The following DDX50 variants were observed in gnomAD, a reference collection of about 807,000 sequenced individuals.
DDX50 encodes the protein DExD-box helicase 50, also known as ATP-dependent RNA helicase DDX50.
In DDX50, 56 loss-of-function variants were observed where a neutral mutation model predicts 94.8. The observed-to-expected ratio is 0.59, with a 90% CI of 0.48 to 0.74. The LOEUF (loss-of-function observed/expected upper bound fraction) is 0.74, where lower values mean the gene tolerates loss of function less well. DDX50 is among the 30% of genes least tolerant of loss of function. The probability of loss-of-function intolerance (pLI) is 0.00; values close to 1 mark genes in which losing one functional copy is unlikely to be tolerated. For synonymous variants in DDX50, 264 were observed against 295.4 expected, an observed-to-expected ratio of 0.89 and a Z score of 1.09; for missense variants, 713 against 881.2, an observed-to-expected ratio of 0.81 and a Z score of 2.42.
chr10:68,935,114 G>C (rs2132055798), intron 10 of DDX50, among the ~76,000 whole-genome samples, 196 bp downstream of exon 10: 1 of 152,300 alleles, frequency 6.6e-6, no homozygotes, highest in East Asian at 1.9e-4. Flanking sequence ...AGACAGTGGA[G>C]CTGACTTTCT....
intron 7 of DDX50, among the ~76,000 whole-genome samples, chr10:68,916,080 G>T (rs1489779124): frequency 1.3e-5 from 2 of 152,188 alleles, no homozygotes; most frequent in African/African-American, 4.8e-5. Context: ...TGTGGGCCGG[G>T]CGTGGTAGCT....
At chr10:68,944,046 A>G (rs189618124) in intron 14 of DDX50, among the ~76,000 whole-genome samples, 14 of 152,324 alleles carry the variant, frequency 9.2e-5, no homozygotes, top group Non-Finnish European at 1.9e-4. Context: ...TTTGAAATAA[A>G]TTCTAGGTAT....
At chr10:68,919,220 T>C (rs909403747) in intron 7 of DDX50, among the ~76,000 whole-genome samples, 6 of 152,230 alleles carry the variant, frequency 3.9e-5, no homozygotes, top group Non-Finnish European at 5.9e-5. Context: ...AATCATACAA[T>C]ATGTGACTTT....
At chr10:68,923,402 T>C (rs11819106) in intron 8 of DDX50, among the ~76,000 whole-genome samples, 9,791 of 150,670 alleles carry the variant, frequency 0.065, 1,035 homozygotes, top group African/African-American at 0.22. Flanking sequence ...GAGATGGGAT[T>C]TCTCTAAGTT....
At chr10:68,904,188 G>A (rs972464920) in intron 1 of DDX50, among the ~76,000 whole-genome samples, 21 of 151,814 alleles carry the variant, frequency 1.4e-4, no homozygotes, top group Non-Finnish European at 1.5e-5. Flanking sequence ...GCTCGTGCCT[G>A]TAGACTTAGC....
intron 2 of DDX50, 37 bp from the exon 3 acceptor site, chr10:68,910,270 G>A: frequency 6.7e-7 from 1 of 1,482,436 alleles, no homozygotes; most frequent in Middle Eastern, 1.7e-4. Flanking sequence ...GAAGAGTTGA[G>A]TATAAATTAT....
chr10:68,920,001 T>C lies in DDX50; in HGVS notation c.1239+20T>C, dbSNP rs924204371. On this transcript the variant is annotated intron_variant, in intron 8 of 14. Coordinates refer to ENST00000373585, the MANE Select transcript of DDX50 (RefSeq NM_024045.2). ...AAACAGGTAAGTCTTTTTTTCATGC[T>C]TTCTCTAATTGAAATTATGGGGATG... 1 of 1,612,890 alleles carries C rather than the reference T, an allele frequency of 6.2e-7. No individual in the cohort carries two copies. The highest frequency in any genetic ancestry group is 1.7e-5 in the Admixed American group (1 of 59,548).
At chr10:68,902,878 C>T (rs1166922031) in intron 1 of DDX50, among the ~76,000 whole-genome samples, 1 of 152,146 alleles carries the variant, frequency 6.6e-6, no homozygotes, top group Admixed American at 6.5e-5. Flanking sequence ...TTATGCATGT[C>T]TATATAAAAT....
rs974255208 is a variant in DDX50, at chr10:68,905,837, C to T, written c.88-874C>T. On this transcript the variant is annotated intron_variant, in intron 1 of 14. Coordinates refer to ENST00000373585, the MANE Select transcript of DDX50 (RefSeq NM_024045.2). ...CTGAGGCAGGAGAATCACTTGAACC[C>T]GGGAGGCGGAGGCTGTAGTGAGCCA... Among the ~76,000 whole-genome samples, 5 of 152,134 alleles carry T rather than the reference C, an allele frequency of 3.3e-5. No homozygotes were observed. In the South Asian group the frequency reaches 8.3e-4, roughly 25 times the overall value.
intron 1 of DDX50, among the ~76,000 whole-genome samples, chr10:68,902,698 G>T (rs1363729571): frequency 6.6e-6 from 1 of 151,962 alleles, no homozygotes; most frequent in Non-Finnish European, 1.5e-5. Context: ...GTTACCTAGA[G>T]TGTAAGCAGA....
At chr10:68,907,222 G>A (rs1182051278) in intron 2 of DDX50, among the ~76,000 whole-genome samples, 1 of 151,834 alleles carries the variant, frequency 6.6e-6, no homozygotes, top group Non-Finnish European at 1.5e-5. Flanking sequence ...CGAGGTGGGA[G>A]CAATAGTTAA....
chr10:68,923,944 T>A (rs1842009163), intron 8 of DDX50, among the ~76,000 whole-genome samples: 2 of 82,950 alleles, frequency 2.4e-5, no homozygotes, highest in South Asian at 9.1e-4. Context: ...CTGCTTTTTT[T>A]TTTTTTTTTT....
rs780207040 is a variant in DDX50 at position 68,911,144 on chromosome 10, T to C, written c.537T>C (p.Ala179=). The change falls in exon 4 of 15, where the codon GCT becomes GCC. Residue 179 remains alanine (A), a synonymous_variant. Coordinates refer to ENST00000373585, the MANE Select transcript of DDX50 (RefSeq NM_024045.2). ...GPVYEGKDLI[A]QARTGTGKTF... is the part of the protein sequence containing the mutation. ...TATATGAAGGAAAAGATTTAATAGCTCAAGCACGGACAGGAACAGGAAAGA... is the reference window on the plus strand; with the variant it reads ...TATATGAAGGAAAAGATTTAATAGCCCAAGCACGGACAGGAACAGGAAAGA... The C allele has an allele frequency of 5.6e-6, 9 of 1,612,710 alleles. No individual in the cohort carries two copies. The Middle Eastern group carries it at 8.3e-4, about 148-fold the overall frequency.
intron 7 of DDX50, among the ~76,000 whole-genome samples, chr10:68,916,962 A>G (rs1481030386): frequency 6.6e-6 from 1 of 152,190 alleles, no homozygotes; most frequent in East Asian, 1.9e-4. Flanking sequence ...CTGGGGTTAC[A>G]GGCGTGAGCC....
Position 68,923,503 on chromosome 10 carries a change from G to GCC in DDX50, c.1239+3523_1239+3524dup, listed in dbSNP as rs750987907. On this transcript the variant is annotated intron_variant, in intron 8 of 14. Coordinates refer to ENST00000373585, the MANE Select transcript of DDX50 (RefSeq NM_024045.2). ...TTACAGTCGAAAGCCACTGTGCCCA[G>GCC]CCAATATATGATATATATGTATATT... 4.2e-4 allele frequency among the ~76,000 whole-genome samples: 64 copies of GCC among 151,516 alleles called. 1 individual carries two copies. The highest frequency in any genetic ancestry group is 6.3e-4 in the Non-Finnish European group (43 of 67,912).
chr10:68,941,055 T>G lies in DDX50; in HGVS notation c.1756-5T>G. 6.2e-7 allele frequency: 1 copy of G among 1,604,436 alleles called. No homozygotes were observed. Among genetic ancestry groups the G allele is most frequent in the Non-Finnish European group, 8.5e-7 (1 of 1,178,034 alleles). The stretch of plus-strand genomic sequence containing the variant: ...CCAAACATAATGTGGTTTTTATTCC[T>G]TAAGGGGTTTGTGACCATGACTCTG... On this transcript the variant is annotated splice_region_variant and splice_polypyrimidine_tract_variant and intron_variant, in intron 12 of 14. Transcript: ENST00000373585.
Position 68,901,443 on chromosome 10 carries a change from C to G in DDX50, c.59C>G (p.Ser20Cys), listed in dbSNP as rs918875350. 1 of 1,575,228 alleles carries G rather than the reference C, an allele frequency of 6.3e-7. No homozygotes were observed. Among genetic ancestry groups the G allele is most frequent in the African/African-American group, 1.4e-5 (1 of 73,816 alleles). Residue 20 changes from serine to cysteine, a missense_variant, in exon 1 of 15, where the codon TCC becomes TGC. By Grantham distance (112) the Ser-to-Cys change is moderately radical (BLOSUM62 -1). This residue lies in a region of DDX50 where 285 missense variants were observed against 278.9 expected (regional missense o/e 1.02). Transcript: ENST00000373585. ...GAGCTGGAAGCACCCTTGGAGGAGTCCGAGAGCCAGAAGAAGGAGAGGCAA... is the reference window on the plus strand; with the variant it reads ...GAGCTGGAAGCACCCTTGGAGGAGTGCGAGAGCCAGAAGAAGGAGAGGCAA... ...IMELEAPLEE[S>C]ESQKKERQKS...
At chr10:68,931,568 G>A (rs1842275595) in intron 8 of DDX50, among the ~76,000 whole-genome samples, 1 of 150,494 alleles carries the variant, frequency 6.6e-6, no homozygotes, top group African/African-American at 2.4e-5. Flanking sequence ...AGCCTCCCAA[G>A]TAGCTAGGAT....
rs775104191 is a variant in DDX50, at chr10:68,934,387, A to C, written c.1401+27A>C. The C allele has an allele frequency of 1.9e-5, 30 of 1,608,622 alleles. No individual in the cohort carries two copies. The highest frequency in any genetic ancestry group is 2.3e-5 in the Non-Finnish European group (27 of 1,178,786). ...TAGGAAATGGGATTTGATTTGGGAA[A>C]AATAAGAGCAATTTTATAAATTCCC... On this transcript the variant is annotated intron_variant, in intron 9 of 14. Coordinates refer to ENST00000373585, the MANE Select transcript of DDX50 (RefSeq NM_024045.2). This position sits in a 1 kb window ranked among gnomAD's most constrained non-coding sequence, Gnocchi z 4.0.
Sources: allele counts gnomAD v4.1 joint callset (sites outside exome capture counted in the v4.1 genomes callset), GRCh38; gene constraint gnomAD v4.1.1; regional missense constraint gnomAD v4.1.1; non-coding constraint Gnocchi (gnomAD v3.1); transcripts MANE v1.5; gene names NCBI Gene and HGNC (gene_info 2026-07-23, HGNC 2026-07-21).